Variants in MTMR8 observed in about 807,000 individuals in gnomAD.
The protein encoded by MTMR8 is phosphatidylinositol-3,5-bisphosphate 3-phosphatase MTMR8.
Under a neutral mutation model 39.3 loss-of-function variants are expected in MTMR8, and 65 were observed. The ratio of observed to expected loss-of-function variants is 1.65; its 90% CI spans 1.35 to 2.03. The LOEUF (loss-of-function observed/expected upper bound fraction) is 2.03, where lower values mean the gene tolerates loss of function less well. Ranked by LOEUF, MTMR8 falls within the 30% of genes most tolerant of loss-of-function variation. MTMR8 has a pLI of 0.00. For synonymous variants in MTMR8, 245 were observed against 185.2 expected, an observed-to-expected ratio of 1.32 and a Z score of -2.62; for missense variants, 777 against 538.9, an observed-to-expected ratio of 1.44 and a Z score of -4.37.
At chrX:64,376,695 CATGT>C (rs1482814990) in intron 1 of MTMR8, among the ~76,000 whole-genome samples, 1 of 112,449 alleles carries the variant, frequency 8.9e-6, no homozygotes, top group Non-Finnish European at 1.9e-5. Context: ...GCAGCCTGGT[CATGT>C]GGTAGAAGAG....
intron 1 of MTMR8, among the ~76,000 whole-genome samples, chrX:64,388,434 T>C (rs1449595592): frequency 8.9e-6 from 1 of 111,905 alleles, no homozygotes; most frequent in East Asian, 2.8e-4. Context: ...GGAAGGGGAA[T>C]GGTGGAATAC....
At position 64,349,971 on chromosome X, in the gene MTMR8, C is replaced by T. The variant is rs1227059189; in HGVS notation, c.568G>A (p.Val190Met). The T allele has an allele frequency of 8.4e-7, 1 of 1,194,970 alleles. No homozygotes were observed. The highest frequency in any genetic ancestry group is 2.2e-5 in the Admixed American group (1 of 44,999). The change falls in exon 5 of 14, where the codon GTG (valine) becomes ATG (methionine). Residue 190 changes from valine (V) to methionine (M), a missense_variant. Coordinates refer to ENST00000374852, the MANE Select transcript of MTMR8 (RefSeq NM_017677.4). Reference protein sequence around the residue: ...SKFRSKERVPVLSYLYKENNA... With the variant: ...SKFRSKERVPMLSYLYKENNA... ...TTCTCTTTGTAGAGGTAGGAGAGCACAGGGACACGTTCTTTACTTCTGAAC... is the reference window on the plus strand; with the variant it reads ...TTCTCTTTGTAGAGGTAGGAGAGCATAGGGACACGTTCTTTACTTCTGAAC...
At chrX:64,320,396 G>A (rs5964353) in intron 12 of MTMR8, among the ~76,000 whole-genome samples, 15,561 of 110,018 alleles carry the variant, frequency 0.14, 2,657 homozygotes, top group African/African-American at 0.48. Context: ...GCTCGCTGCT[G>A]CAAGGGAAGC....
intron 12 of MTMR8, among the ~76,000 whole-genome samples, chrX:64,312,136 G>A (rs1024384474): frequency 1.8e-5 from 2 of 111,576 alleles, no homozygotes; most frequent in African/African-American, 6.5e-5. Flanking sequence ...CTACCCATGA[G>A]CATGGAATGT....
chrX:64,352,036 G>A (rs756847506), intron 4 of MTMR8, among the ~76,000 whole-genome samples: 1 of 111,366 alleles, frequency 9.0e-6, no homozygotes, highest in Non-Finnish European at 1.9e-5. Flanking sequence ...CCTTAGAAAG[G>A]CCTACTTGCA....
At chrX:64,363,146 G>A (rs994549603) in intron 1 of MTMR8, among the ~76,000 whole-genome samples, 1 of 111,661 alleles carries the variant, frequency 9.0e-6, no homozygotes, top group Non-Finnish European at 1.9e-5. Flanking sequence ...GATACGTGGG[G>A]ACCATTCGGA....
At chrX:64,302,316 G>A (rs1032816308) in intron 12 of MTMR8, among the ~76,000 whole-genome samples, 9 of 112,500 alleles carry the variant, frequency 8.0e-5, no homozygotes, top group Non-Finnish European at 1.3e-4. Context: ...TCGGGTTGGA[G>A]TGACCCAATT....
At chrX:64,286,621 A>G (rs1054284860) in intron 12 of MTMR8, among the ~76,000 whole-genome samples, 2 of 111,992 alleles carry the variant, frequency 1.8e-5, no homozygotes, top group African/African-American at 6.5e-5. Flanking sequence ...ACCATGATCA[A>G]GTGGGCTTTA....
At chrX:64,368,604 T>C (rs953580034) in intron 1 of MTMR8, among the ~76,000 whole-genome samples, 1 of 111,666 alleles carries the variant, frequency 9.0e-6, no homozygotes, top group African/African-American at 3.3e-5. Flanking sequence ...ATACAAAAAT[T>C]AATTCAAGAT....
chrX:64,294,932 A>G, intron 12 of MTMR8, among the ~76,000 whole-genome samples: 2 of 111,742 alleles, frequency 1.8e-5, no homozygotes, highest in South Asian at 7.6e-4. Context: ...CACATAAGGT[A>G]CAAGACCTCT....
At chrX:64,272,916 C>A (rs1183352087) in intron 12 of MTMR8, among the ~76,000 whole-genome samples, 1 of 111,179 alleles carries the variant, frequency 9.0e-6, no homozygotes, top group Non-Finnish European at 1.9e-5. Flanking sequence ...AAACTATGAA[C>A]CAATAATGAT....
chrX:64,358,652 T>A (rs1425450990), intron 2 of MTMR8, among the ~76,000 whole-genome samples: 1 of 111,355 alleles, frequency 9.0e-6, no homozygotes, highest in East Asian at 2.8e-4. Context: ...CACTAAGCTA[T>A]GCGGTATAAA....
chrX:64,318,142 A>G (rs1569219098), intron 12 of MTMR8, among the ~76,000 whole-genome samples: 4 of 112,013 alleles, frequency 3.6e-5, no homozygotes, highest in African/African-American at 3.2e-5. Flanking sequence ...GACTTTCCAT[A>G]TGGTCTCCAC....
At chrX:64,376,700 G>A (rs1054766519) in intron 1 of MTMR8, among the ~76,000 whole-genome samples, 4 of 112,573 alleles carry the variant, frequency 3.6e-5, no homozygotes, top group Non-Finnish European at 7.5e-5. Flanking sequence ...CTGGTCATGT[G>A]GTAGAAGAGA....
intron 12 of MTMR8, among the ~76,000 whole-genome samples, chrX:64,272,123 T>C (rs1233328439): frequency 9.0e-6 from 1 of 111,576 alleles, no homozygotes; most frequent in Non-Finnish European, 1.9e-5. Context: ...ACAAGGCCAA[T>C]CCATATGACT....
intron 12 of MTMR8, among the ~76,000 whole-genome samples, chrX:64,277,994 T>C (rs1285102493): frequency 2.7e-5 from 3 of 109,112 alleles, no homozygotes; most frequent in Non-Finnish European, 3.8e-5. Flanking sequence ...CAATCTCTGA[T>C]ATCTTTTCTT....
At chrX:64,272,490 AG>A (rs1208460311) in intron 12 of MTMR8, among the ~76,000 whole-genome samples, 1 of 111,706 alleles carries the variant, frequency 9.0e-6, no homozygotes, top group Admixed American at 9.5e-5. Flanking sequence ...AAGGACACAA[AG>A]AAAAAAGAAT....
chrX:64,314,960 G>A (rs1348614445), intron 12 of MTMR8, among the ~76,000 whole-genome samples: 1 of 111,710 alleles, frequency 9.0e-6, no homozygotes, highest in Non-Finnish European at 1.9e-5. Flanking sequence ...GGGGTGCACA[G>A]ATCAGACTGG....
At chrX:64,299,867 A>C (rs1389760605) in intron 12 of MTMR8, among the ~76,000 whole-genome samples, 4 of 86,415 alleles carry the variant, frequency 4.6e-5, no homozygotes, top group Admixed American at 1.4e-4. Flanking sequence ...CAGGTTGTTC[A>C]GTTTCCATGT....
Sources: gnomAD v4.1 joint callset for allele counts (sites outside exome capture counted in the v4.1 genomes callset) on GRCh38, gnomAD v4.1.1 for gene constraint, MANE v1.5 for transcripts, NCBI Gene and HGNC (gene_info 2026-07-23, HGNC 2026-07-21) for gene names.